The following ZPLD1 variants were observed in gnomAD, a reference collection of about 807,000 sequenced individuals.
ZPLD1 encodes zona pellucida-like domain-containing protein 1.
In ZPLD1, 34 loss-of-function variants were observed where a neutral mutation model predicts 47.2. The observed-to-expected ratio is 0.72, with a 90% CI of 0.55 to 0.96. ZPLD1 has a LOEUF of 0.96. ZPLD1 is among the 40% of genes least tolerant of loss of function. ZPLD1 has a pLI of 0.00. For synonymous variants in ZPLD1, 176 were observed against 186.2 expected (o/e 0.95, Z 0.45); for missense variants, 512 against 505.8 (o/e 1.01, Z -0.12).
chr3:102,406,614 T>C (rs1706688420), intron 7 of ZPLD1, among the ~76,000 whole-genome samples: 1 of 151,976 alleles, frequency 6.6e-6, no homozygotes, highest in African/African-American at 2.4e-5. Flanking sequence ...GAAGTTTATA[T>C]TTTGCTTACT....
intron 8 of ZPLD1, among the ~76,000 whole-genome samples, chr3:102,467,126 C>G (rs1381066922): frequency 1.3e-5 from 2 of 152,026 alleles, no homozygotes; most frequent in African/African-American, 4.8e-5. Flanking sequence ...TACAGAAAAT[C>G]TAAACGACAT....
intron 7 of ZPLD1, among the ~76,000 whole-genome samples, chr3:102,414,682 A>C (rs904160595): frequency 7.9e-5 from 12 of 151,850 alleles, no homozygotes; most frequent in Non-Finnish European, 1.6e-4. Context: ...TAGTACAATA[A>C]ATACTGTATT....
intron 8 of ZPLD1, among the ~76,000 whole-genome samples, chr3:102,423,898 C>A (rs568917154): frequency 3.3e-5 from 5 of 152,240 alleles, no homozygotes; most frequent in African/African-American, 1.2e-4. Context: ...TTTCCTGTAG[C>A]CCATTCTCTA....
At chr3:102,389,820 GC>G (rs1706475289) in intron 6 of ZPLD1, among the ~76,000 whole-genome samples, 1 of 152,118 alleles carries the variant, frequency 6.6e-6, no homozygotes, top group Non-Finnish European at 1.5e-5. Context: ...CAGGCCATTA[GC>G]TAATGCAACA....
rs562793164 is a variant in ZPLD1 at position 102,428,704 on chromosome 3, A to G, written c.-8-9776A>G. On this transcript the variant is annotated intron_variant, in intron 8 of 17. Transcript: ENST00000491959. ...AATAAATTTGTTCAATCTTAGGTTT[A>G]TTAAATAACATATATGTATATATAT... Among the ~76,000 whole-genome samples the G allele has an allele frequency of 7.9e-4, 120 of 151,122 alleles. 1 individual carries two copies. The highest frequency in any genetic ancestry group is 2.7e-3 in the African/African-American group (113 of 41,320).
chr3:102,397,791 T>G (rs567516502), intron 7 of ZPLD1, among the ~76,000 whole-genome samples: 1 of 152,152 alleles, frequency 6.6e-6, no homozygotes, highest in Non-Finnish European at 1.5e-5. Flanking sequence ...AGTTTATTAC[T>G]AATGAAGGAT....
At chr3:102,463,284 G>A (rs946433005) in intron 7 of ZPLD1, among the ~76,000 whole-genome samples, 5 of 152,110 alleles carry the variant, frequency 3.3e-5, no homozygotes, top group Admixed American at 2.0e-4. Flanking sequence ...CTCCACAATC[G>A]CCAAACCACT....
intron 7 of ZPLD1, among the ~76,000 whole-genome samples, chr3:102,407,465 G>A (rs1411331851): frequency 4.7e-4 from 50 of 107,120 alleles, no homozygotes; most frequent in Non-Finnish European, 8.5e-4. Context: ...CATCCTTTAT[G>A]AGTCCACTGG....
chr3:102,458,481 C>T (rs1219066396), intron 6 of ZPLD1, among the ~76,000 whole-genome samples: 1 of 152,182 alleles, frequency 6.6e-6, no homozygotes, highest in African/African-American at 2.4e-5. Context: ...TTTATTCATA[C>T]ATTTTAAATG....
intron 8 of ZPLD1, among the ~76,000 whole-genome samples, chr3:102,424,896 A>T (rs1478389338): frequency 1.3e-5 from 2 of 152,204 alleles, no homozygotes; most frequent in East Asian, 3.9e-4. Flanking sequence ...GTTGCAAATT[A>T]TTGTTCTAAT....
At chr3:102,448,880 T>C (rs1309694409) in intron 3 of ZPLD1, among the ~76,000 whole-genome samples, 1 of 152,244 alleles carries the variant, frequency 6.6e-6, no homozygotes, top group Non-Finnish European at 1.5e-5. Context: ...GTATTCACTT[T>C]GGTATACTTA....
At chr3:102,409,949 A>T (rs776656361) in intron 7 of ZPLD1, among the ~76,000 whole-genome samples, 2 of 151,846 alleles carry the variant, frequency 1.3e-5, no homozygotes, top group Non-Finnish European at 2.9e-5. Flanking sequence ...ACCAAGAGGC[A>T]TGATTTACAC....
At chr3:102,386,883 A>C (rs1706430124) in intron 6 of ZPLD1, among the ~76,000 whole-genome samples, 1 of 152,202 alleles carries the variant, frequency 6.6e-6, no homozygotes, top group South Asian at 2.1e-4. Context: ...CCTCTCCAGA[A>C]GTATCCATTT....
At chr3:102,447,426 T>C (rs1048951044) in intron 3 of ZPLD1, among the ~76,000 whole-genome samples, 11 of 152,230 alleles carry the variant, frequency 7.2e-5, no homozygotes, top group Admixed American at 1.3e-4. Context: ...TACAGATGTT[T>C]ACTTTTTCAG....
chr3:102,392,887 C>T (rs185784394), intron 7 of ZPLD1, among the ~76,000 whole-genome samples: 2 of 152,244 alleles, frequency 1.3e-5, no homozygotes, highest in Admixed American at 1.3e-4. Context: ...ATGTAATAGA[C>T]TATAGTTCAA....
chr3:102,460,996 A>G lies in ZPLD1; in HGVS notation c.583-1285A>G, dbSNP rs560186378. ...CATTTATCACCAAAATATAGAAAAC[A>G]AAAGACTGAAGAGTATCAGTTTTTA... is the stretch of plus-strand genomic sequence containing the variant. On this transcript the variant is annotated intron_variant, in intron 6 of 11. Transcript: ENST00000466937. 3.6e-4 allele frequency among the ~76,000 whole-genome samples: 54 copies of G among 152,092 alleles called. 1 individual carries two copies. The highest frequency in any genetic ancestry group is 1.3e-3 in the African/African-American group (52 of 41,558).
intron 6 of ZPLD1, among the ~76,000 whole-genome samples, chr3:102,460,567 G>A (rs60620098): frequency 0.021 from 3,229 of 152,018 alleles, 118 homozygotes; most frequent in African/African-American, 0.074. Context: ...AGAGTGTGGA[G>A]AGTCAGCAAA....
At chr3:102,469,204 A>G in intron 9 of ZPLD1, 69 bp downstream of exon 9, 1 of 1,500,690 alleles carries the variant, frequency 6.7e-7, no homozygotes, top group Non-Finnish European at 9.0e-7. Flanking sequence ...CAAATGTCAG[A>G]AACTAAGTTC....
chr3:102,440,710 T>A (rs1192465608), intron 3 of ZPLD1, among the ~76,000 whole-genome samples: 1 of 147,306 alleles, frequency 6.8e-6, no homozygotes, highest in Admixed American at 6.7e-5. Context: ...AGACTACTAT[T>A]TAGATAACTT....
Sources: allele counts gnomAD v4.1 joint callset (sites outside exome capture counted in the v4.1 genomes callset), GRCh38; gene constraint gnomAD v4.1.1; transcripts MANE v1.5; gene names NCBI Gene and HGNC (gene_info 2026-07-23, HGNC 2026-07-21).